Variants in RARB observed in about 807,000 individuals in gnomAD.
RARB encodes the protein HBV-activated protein.
RARB carries 17 observed loss-of-function variants against 51.9 expected under a neutral mutation model. The ratio of observed to expected loss-of-function variants is 0.33; its 90% confidence interval spans 0.22 to 0.49. The LOEUF is 0.49. Ranked by LOEUF, RARB falls within the 20% of genes least tolerant of loss-of-function variation. RARB has a pLI of 0.99. For synonymous variants in RARB, 215 were observed against 195.4 expected, an observed-to-expected ratio of 1.10 and a Z score of -0.84; for missense variants, 369 against 550.8, an observed-to-expected ratio of 0.67 and a Z score of 3.30.
At chr3:24,970,143 G>A (rs541153986) in intron 2 of RARB, among the ~76,000 whole-genome samples, 1 of 152,086 alleles carries the variant, frequency 6.6e-6, no homozygotes, top group African/African-American at 2.4e-5. Context: ...AATGGCTGTA[G>A]CTGTGTTTCA....
chr3:25,236,262 G>C (rs1366330562), intron 5 of RARB, among the ~76,000 whole-genome samples: 1 of 152,118 alleles, frequency 6.6e-6, no homozygotes, highest in Non-Finnish European at 1.5e-5. Flanking sequence ...CAAAAACAAT[G>C]CATGTAGTGG....
intron 2 of RARB, among the ~76,000 whole-genome samples, chr3:24,950,803 A>G (rs1382425703): frequency 6.6e-6 from 1 of 152,216 alleles, no homozygotes; most frequent in Non-Finnish European, 1.5e-5. Flanking sequence ...TAATAAAAAT[A>G]AAGCATAATG....
At chr3:25,131,435 T>C (rs1356168045) in intron 3 of RARB, among the ~76,000 whole-genome samples, 1 of 152,012 alleles carries the variant, frequency 6.6e-6, no homozygotes, top group Non-Finnish European at 1.5e-5. Context: ...TTTGATCAGA[T>C]GTAGGGTTTT....
intron 1 of RARB, among the ~76,000 whole-genome samples, chr3:25,455,545 G>A (rs528428042): frequency 1.0e-3 from 153 of 152,286 alleles, no homozygotes; most frequent in Non-Finnish European, 2.1e-3. Context: ...TGTGGGGGTG[G>A]AGATGTCTAA....
intron 3 of RARB, among the ~76,000 whole-genome samples, chr3:25,077,557 T>C (rs1190485279): frequency 1.3e-5 from 2 of 152,202 alleles, no homozygotes; most frequent in African/African-American, 4.8e-5. Context: ...ATGGTACTAA[T>C]ATATCTCTAT....
chr3:25,401,747 GA>G (rs776371730), intron 5 of RARB, among the ~76,000 whole-genome samples: 4 of 152,120 alleles, frequency 2.6e-5, no homozygotes, highest in Non-Finnish European at 5.9e-5. Flanking sequence ...GGAAAATGCA[GA>G]AAACAGCAAA....
intron 2 of RARB, among the ~76,000 whole-genome samples, chr3:24,905,647 C>G (rs1694847195): frequency 6.6e-6 from 1 of 152,180 alleles, no homozygotes; most frequent in South Asian, 2.1e-4. Context: ...TTTCCTTCTT[C>G]CCACCTGCTT....
At chr3:25,497,933 T>C (rs1697123346) in intron 2 of RARB, among the ~76,000 whole-genome samples, 1 of 152,160 alleles carries the variant, frequency 6.6e-6, no homozygotes, top group Non-Finnish European at 1.5e-5. Flanking sequence ...ATTTTTTTTC[T>C]CTGAATTCCT....
chr3:25,109,711 A>G (rs1014654474), intron 3 of RARB, among the ~76,000 whole-genome samples: 2 of 152,162 alleles, frequency 1.3e-5, no homozygotes, highest in Non-Finnish European at 2.9e-5. Flanking sequence ...ATAACCAAAA[A>G]GCAGGTTTGC....
chr3:24,975,857 T>C (rs1435360039), intron 2 of RARB, among the ~76,000 whole-genome samples: 1 of 152,112 alleles, frequency 6.6e-6, no homozygotes, highest in African/African-American at 2.4e-5. Flanking sequence ...GCCATGCTGG[T>C]TTGCTGCACC....
chr3:25,154,300 G>C (rs1286861907), intron 4 of RARB, among the ~76,000 whole-genome samples: 8 of 152,184 alleles, frequency 5.3e-5, no homozygotes, highest in Admixed American at 3.3e-4. Flanking sequence ...GAGTTCCTTA[G>C]CTTGCTGAAG....
intron 2 of RARB, among the ~76,000 whole-genome samples, chr3:25,026,194 A>C (rs62228506): frequency 0.16 from 24,623 of 152,204 alleles, 2,221 homozygotes; most frequent in Non-Finnish European, 0.2. Context: ...AAAACCTAGA[A>C]GTCCAGGGCT....
chr3:25,475,014 C>T (rs1047757258), intron 2 of RARB, among the ~76,000 whole-genome samples: 20 of 152,010 alleles, frequency 1.3e-4, no homozygotes, highest in Non-Finnish European at 2.2e-4. Flanking sequence ...CATTACAAAT[C>T]GTAAATGGGT....
chr3:24,873,674 T>C (rs1041018472), intron 2 of RARB, among the ~76,000 whole-genome samples: 7 of 151,904 alleles, frequency 4.6e-5, no homozygotes, highest in South Asian at 4.1e-4. Flanking sequence ...CTTTTTTTTT[T>C]CTAGATATAC....
intron 2 of RARB, among the ~76,000 whole-genome samples, chr3:25,012,131 G>A (rs1697412440): frequency 6.6e-6 from 1 of 152,030 alleles, no homozygotes; most frequent in African/African-American, 2.4e-5. Context: ...TTAAATACAT[G>A]TCTTCATGTC....
intron 2 of RARB, among the ~76,000 whole-genome samples, chr3:24,929,798 T>C (rs957581742): frequency 1.3e-5 from 2 of 152,138 alleles, no homozygotes; most frequent in East Asian, 3.9e-4. Flanking sequence ...GCCTGGGCAA[T>C]GCTGCTACAT....
intron 5 of RARB, among the ~76,000 whole-genome samples, chr3:25,312,287 A>G (rs1301374410): frequency 6.6e-6 from 1 of 152,234 alleles, no homozygotes; most frequent in African/African-American, 2.4e-5. Flanking sequence ...GATAGCTTTC[A>G]AAACACATTC....
chr3:25,486,106 G>C (rs1008801934), intron 2 of RARB, among the ~76,000 whole-genome samples: 1 of 152,150 alleles, frequency 6.6e-6, no homozygotes, highest in African/African-American at 2.4e-5. Context: ...CTTTTTGCTG[G>C]ATTTTGAGTC....
intron 2 of RARB, among the ~76,000 whole-genome samples, chr3:24,976,842 A>G (rs745768069): frequency 1.3e-5 from 2 of 152,290 alleles, no homozygotes; most frequent in African/African-American, 4.8e-5. Context: ...GCCCATGCCT[A>G]TGTCCTGAAT....
Sources: allele counts gnomAD v4.1 joint callset (sites outside exome capture counted in the v4.1 genomes callset), GRCh38; gene constraint gnomAD v4.1.1; transcripts MANE v1.5; gene names NCBI Gene and HGNC (gene_info 2026-07-23, HGNC 2026-07-21).